The following KIAA1217 variants were observed in gnomAD, a reference collection of about 807,000 sequenced individuals.
KIAA1217 encodes the protein KIAA1217.
In KIAA1217, 88 loss-of-function variants were observed where a neutral mutation model predicts 163.9. The ratio of observed to expected loss-of-function variants is 0.54; its 90% confidence interval spans 0.45 to 0.64. The LOEUF is 0.64. Ranked by LOEUF, KIAA1217 falls within the 30% of genes least tolerant of loss-of-function variation. The probability of loss-of-function intolerance (pLI) is 0.00; values close to 1 mark genes in which losing one functional copy is unlikely to be tolerated. For synonymous variants in KIAA1217, 903 were observed against 923.1 expected (o/e 0.98, Z 0.39); for missense variants, 2,372 against 2,475.0 (o/e 0.96, Z 0.88).
At chr10:24,522,598 A>G (rs754175398) in intron 12 of KIAA1217, among the ~76,000 whole-genome samples, 2 of 152,270 alleles carry the variant, frequency 1.3e-5, no homozygotes, top group Non-Finnish European at 2.9e-5. Context: ...AAGAGGTCAC[A>G]GTGGAGTAAA....
chr10:24,545,577 G>A (rs959815689), intron 20 of KIAA1217: 81 of 1,366,160 alleles, frequency 5.9e-5, no homozygotes, highest in Non-Finnish European at 7.4e-5. Flanking sequence ...AAATGGTAGA[G>A]CTGGAATGAT....
At chr10:24,461,240 C>T (rs561710173) in intron 5 of KIAA1217, among the ~76,000 whole-genome samples, 19 of 152,118 alleles carry the variant, frequency 1.2e-4, no homozygotes, top group Non-Finnish European at 2.2e-4. Context: ...AATTTTCATG[C>T]TGTAATCATC....
intron 1 of KIAA1217, among the ~76,000 whole-genome samples, chr10:23,740,375 T>G (rs1310862466): frequency 6.6e-6 from 1 of 152,124 alleles, no homozygotes; most frequent in Non-Finnish European, 1.5e-5. Flanking sequence ...ATTGTTTTAG[T>G]TTTTGAAACA....
At chr10:24,096,866 G>T (rs1196611635) in intron 2 of KIAA1217, among the ~76,000 whole-genome samples, 2 of 152,160 alleles carry the variant, frequency 1.3e-5, no homozygotes, top group Non-Finnish European at 2.9e-5. Context: ...AGGCAAGAAA[G>T]AAGTGGGTCA....
intron 1 of KIAA1217, among the ~76,000 whole-genome samples, chr10:23,791,135 C>G (rs556379659): frequency 6.6e-6 from 1 of 152,180 alleles, no homozygotes; most frequent in South Asian, 2.1e-4. Context: ...AGCTGTCTTT[C>G]AAAAATTCTG....
chr10:23,890,491 T>A (rs555314331), intron 1 of KIAA1217, among the ~76,000 whole-genome samples: 115 of 152,028 alleles, frequency 7.6e-4, no homozygotes, highest in Non-Finnish European at 1.4e-3. Context: ...CATCTTTGAC[T>A]CCTTTTTTAA....
At chr10:23,821,185 ATGTG>A (rs1837607543) in intron 1 of KIAA1217, among the ~76,000 whole-genome samples, 1 of 151,834 alleles carries the variant, frequency 6.6e-6, no homozygotes, top group Non-Finnish European at 1.5e-5. Context: ...ATTGCAAGCA[ATGTG>A]TTTACCTGCA....
chr10:24,137,856 AC>A (rs1281865821), intron 2 of KIAA1217, among the ~76,000 whole-genome samples: 1 of 152,200 alleles, frequency 6.6e-6, no homozygotes, highest in East Asian at 1.9e-4. Context: ...CTCTTAAAAA[AC>A]AAGGGTTTAG....
rs530773932 is a variant in KIAA1217 at position 24,214,904 on chromosome 10, C to T, written c.71-4722C>T. On this transcript the variant is annotated intron_variant, in intron 1 of 20. Transcript: ENST00000376454. The stretch of plus-strand genomic sequence containing the variant: ...TGTGGAATGCCTGAGTGGTGCAAGG[C>T]CCCAAATCCCTTGCTGCAGGTCAGC... Among the ~76,000 whole-genome samples, 307 of 152,280 alleles carry T rather than the reference C, an allele frequency of 2.0e-3. 1 individual carries two copies. Among genetic ancestry groups the T allele is most frequent in the South Asian group, 3.5e-3 (17 of 4,824 alleles).
In KIAA1217 at chr10:23,700,186, C is replaced by T. The variant is rs188295689; in HGVS notation, c.-321+4952C>T. ...CAGTAAGTGGCAGCCCCATTTTTGT[C>T]ATTACTTGAGCCAAAAACCTCGGAG... On this transcript the variant is annotated intron_variant, in intron 1 of 18. Coordinates refer to the KIAA1217 transcript ENST00000376462. 3.5e-4 allele frequency among the ~76,000 whole-genome samples: 54 copies of T among 152,294 alleles called. No homozygotes were observed. The East Asian group carries it at 9.6e-3, about 27-fold the overall frequency.
intron 1 of KIAA1217, among the ~76,000 whole-genome samples, chr10:23,807,491 ACAGGT>A (rs1167630931): frequency 6.6e-6 from 1 of 152,264 alleles, no homozygotes; most frequent in Non-Finnish European, 1.5e-5. Flanking sequence ...GAGTGTGGCT[ACAGGT>A]CAAGTTTAGA....
At chr10:23,907,232 A>G (rs1240538576) in intron 1 of KIAA1217, among the ~76,000 whole-genome samples, 2 of 151,532 alleles carry the variant, frequency 1.3e-5, no homozygotes, top group East Asian at 3.9e-4. Context: ...TCTTTTCTTC[A>G]ACATTTTTTT....
chr10:24,416,706 C>T (rs140852827), intron 3 of KIAA1217, among the ~76,000 whole-genome samples: 3 of 152,156 alleles, frequency 2.0e-5, no homozygotes, highest in Admixed American at 6.5e-5. Flanking sequence ...GGGTCCCCCC[C>T]ACATCCCAGC....
chr10:24,280,939 C>T (rs1369935403), intron 2 of KIAA1217, among the ~76,000 whole-genome samples: 1 of 152,014 alleles, frequency 6.6e-6, no homozygotes, highest in Non-Finnish European at 1.5e-5. Flanking sequence ...AGCACAATAT[C>T]AACACATGTG....
intron 4 of KIAA1217, among the ~76,000 whole-genome samples, chr10:24,433,865 G>C (rs1292320736): frequency 1.3e-5 from 2 of 152,054 alleles, no homozygotes; most frequent in African/African-American, 2.4e-5. Flanking sequence ...ATTTCTTAAA[G>C]AGTTGTCCTT....
intron 5 of KIAA1217, among the ~76,000 whole-genome samples, chr10:24,449,943 G>A (rs1177229757): frequency 6.6e-6 from 1 of 152,112 alleles, no homozygotes; most frequent in Non-Finnish European, 1.5e-5. Flanking sequence ...CTTTGTTATT[G>A]ACATTATTCT....
At chr10:23,735,374 A>T (rs186424436) in intron 1 of KIAA1217, among the ~76,000 whole-genome samples, 206 of 152,300 alleles carry the variant, frequency 1.4e-3, no homozygotes, top group African/African-American at 4.3e-3. Flanking sequence ...CTGGGATTAC[A>T]GAGTGGCATA....
chr10:23,741,552 C>T (rs1372790826), intron 1 of KIAA1217, among the ~76,000 whole-genome samples: 1 of 152,122 alleles, frequency 6.6e-6, no homozygotes, highest in African/African-American at 2.4e-5. Context: ...TTTCACTAAC[C>T]CCCCTTTTCA....
intron 1 of KIAA1217, among the ~76,000 whole-genome samples, chr10:23,975,334 G>A (rs188373911): frequency 3.3e-4 from 50 of 152,114 alleles, no homozygotes; most frequent in Non-Finnish European, 6.6e-4. Context: ...CTTGGCTGGC[G>A]GGCAGGCAGG....
Sources: gnomAD v4.1 joint callset for allele counts (sites outside exome capture counted in the v4.1 genomes callset) on GRCh38, gnomAD v4.1.1 for gene constraint, MANE v1.5 for transcripts, NCBI Gene and HGNC (gene_info 2026-07-23, HGNC 2026-07-21) for gene names.